MT1F: variants seen among roughly 807,000 people sequenced by gnomAD.
MT1F encodes the protein metallothionein 1F, also known as metallothionein-1F.
A neutral mutation model predicts 5.4 loss-of-function variants in MT1F; 6 were observed. The observed-to-expected ratio is 1.11, with a 90% CI of 0.61 to 2.19. The LOEUF (loss-of-function observed/expected upper bound fraction) is 2.19, where lower values mean the gene tolerates loss of function less well. MT1F is among the 30% of genes most tolerant of loss of function. The pLI is 0.00. For synonymous variants in MT1F, 28 were observed against 28.3 expected, an observed-to-expected ratio of 0.99 and a Z score of 0.04; for missense variants, 82 against 77.0, an observed-to-expected ratio of 1.07 and a Z score of -0.24.
rs1329576538 is a variant in MT1F, at chr16:56,658,047, C to G, written c.-12C>G. On this transcript the variant is annotated 5_prime_UTR_variant, in exon 1 of 3. Coordinates refer to ENST00000334350, the MANE Select transcript of MT1F (RefSeq NM_005949.4). ...TTCTCTCTTGGAAAGTCCAGTCTCT[C>G]CTCGGCTTGCAATGGACCCCAACTG... 6.2e-7 allele frequency: 1 copy of G among 1,614,134 alleles called. No homozygotes were observed. The highest frequency in any genetic ancestry group is 8.5e-7 in the Non-Finnish European group (1 of 1,179,984).
rs572532931 is a variant in MT1F, at chr16:56,659,264, T to G, written c.*100T>G. On this transcript the variant is annotated 3_prime_UTR_variant, in exon 3 of 3. Coordinates refer to ENST00000334350, the MANE Select transcript of MT1F (RefSeq NM_005949.4). ...GACCCATTTGCTACATTCCTTTTCC[T>G]GTGAAATATGTGAGTGATAATTAAA... 35 of 1,086,470 alleles carry G rather than the reference T, an allele frequency of 3.2e-5. No individual in the cohort carries two copies. In the East Asian group the frequency reaches 8.5e-4, roughly 26 times the overall value. The allele number at this position is 1,086,470 out of a possible 1,614,324, so 67.3% of individuals were successfully genotyped here. A position where few individuals can be genotyped will look rare whatever the true frequency, so the allele number is the denominator to read the frequency against.
At chr16:56,658,279 G>A in intron 1 of MT1F, 193 bp downstream of exon 1, 1 of 658,836 alleles carries the variant, frequency 1.5e-6, no homozygotes, top group Non-Finnish European at 2.6e-6. Flanking sequence ...AGCGTTGAGG[G>A]TACTGAGGCT....
At chr16:56,658,979 C>T in intron 2 of MT1F, 94 bp from the exon 3 acceptor site, 1 of 1,199,208 alleles carries the variant, frequency 8.3e-7, no homozygotes, top group South Asian at 1.2e-5. Context: ...ACTGAGGGTC[C>T]TTTGTGGCTG....
rs574209380 is a variant in MT1F, at chr16:56,658,801, G to C, written c.94+61G>C. ...GGCTAAGGTTGGGATGGAACCCAAGGCTGGCCCTGAGTGCATGCTTCTGGG... is the reference window on the plus strand; with the variant it reads ...GGCTAAGGTTGGGATGGAACCCAAGCCTGGCCCTGAGTGCATGCTTCTGGG... On this transcript the variant is annotated intron_variant, in intron 2 of 2. Transcript: ENST00000334350. 4.2e-5 allele frequency: 67 copies of C among 1,598,268 alleles called. No homozygotes were observed. In the South Asian group the frequency reaches 6.4e-4, roughly 15 times the overall value.
chr16:56,658,355 A>T (rs1960646908), intron 1 of MT1F: 1 of 587,276 alleles, frequency 1.7e-6, no homozygotes, highest in Admixed American at 3.1e-5. Context: ...CAGTGCTCTG[A>T]CCAGGCTTTG....
Position 56,659,091 on chromosome 16 carries a change from C to T in MT1F, c.113C>T (p.Pro38Leu), listed in dbSNP as rs766231601. Reference sequence around the variant, plus strand: ...TCCCCAGGCTGCTGCTCCTGCTGCCCCGTGGGCTGTAGCAAGTGTGCCCAG... The same window carrying T: ...TCCCCAGGCTGCTGCTCCTGCTGCCTCGTGGGCTGTAGCAAGTGTGCCCAG... ...SCKKSCCSCCPVGCSKCAQGC... is the reference protein window; with the variant it reads ...SCKKSCCSCCLVGCSKCAQGC... The change falls in exon 3 of 3, where the codon CCC (proline) becomes CTC (leucine). Residue 38 changes from proline to leucine, a missense_variant. Physicochemically the swap from Pro to Leu is moderately conservative, Grantham distance 98. Coordinates refer to ENST00000334350, the MANE Select transcript of MT1F (RefSeq NM_005949.4). 15 of 1,613,796 alleles carry T rather than the reference C, an allele frequency of 9.3e-6. No individual in the cohort carries two copies. The African/African-American group carries it at 1.9e-4, about 20-fold the overall frequency.
In MT1F at chr16:56,658,993, G is replaced by T. The variant is rs1224166724; in HGVS notation, c.95-80G>T. The stretch of plus-strand genomic sequence containing the variant: ...AACTGAGGGTCCTTTGTGGCTGGAG[G>T]CTCTGTTGGGGGCCTCTGTTGGGGA... On this transcript the variant is annotated intron_variant, in intron 2 of 2. Coordinates refer to ENST00000334350, the MANE Select transcript of MT1F (RefSeq NM_005949.4). 3.8e-5 allele frequency: 48 copies of T among 1,276,732 alleles called. No individual in the cohort carries two copies. The East Asian group carries it at 1.0e-3, about 27-fold the overall frequency. The allele number at this position is 1,276,732 out of a possible 1,614,324, so 79.1% of individuals were successfully genotyped here.
intron 1 of MT1F, chr16:56,658,405 TCGG>T: frequency 3.4e-6 from 2 of 590,528 alleles, no homozygotes; most frequent in Non-Finnish European, 6.0e-6. Context: ...CATTGCCTCT[TCGG>T]GGTTCAGGAC....
At chr16:56,658,880 C>T (rs1960656159) in intron 2 of MT1F, 140 bp downstream of exon 2, 2 of 1,235,246 alleles carry the variant, frequency 1.6e-6, no homozygotes, top group Non-Finnish European at 2.4e-6. Flanking sequence ...AGTCTTCTGC[C>T]CTGTGCAGGG....
Position 56,659,136 on chromosome 16 carries a change from C to A in MT1F, c.158C>A (p.Ala53Glu), listed in dbSNP as rs139420918. Residue 53 changes from alanine to glutamate, a missense_variant, in exon 3 of 3, where the codon GCG (alanine) becomes GAG (glutamate). By Grantham distance (107) the Ala-to-Glu change is moderately radical. Transcript: ENST00000334350. ...GCCCAGGGCTGTGTTTGCAAAGGGG[C>A]GTCAGAGAAGTGCAGCTGCTGCGAC... ...KCAQGCVCKG[A>E]SEKCSCCD 5 of 1,613,938 alleles carry A rather than the reference C, an allele frequency of 3.1e-6. No individual in the cohort carries two copies. Among genetic ancestry groups the A allele is most frequent in the Non-Finnish European group, 4.2e-6 (5 of 1,179,976 alleles).
intron 2 of MT1F, 25 bp from the exon 3 acceptor site, chr16:56,659,048 C>T: frequency 3.1e-6 from 5 of 1,607,686 alleles, no homozygotes; most frequent in Non-Finnish European, 4.3e-6. Flanking sequence ...TGGCTGTGAC[C>T]TCTCATGCTC....
intron 2 of MT1F, 70 bp downstream of exon 2, chr16:56,658,810 G>A: frequency 1.3e-6 from 2 of 1,571,116 alleles, no homozygotes; most frequent in Non-Finnish European, 1.8e-6. Flanking sequence ...GGCTGGCCCT[G>A]AGTGCATGCT....
Position 56,658,029 on chromosome 16 carries a change from T to C in MT1F, c.-30T>C. 2 of 1,613,346 alleles carry C rather than the reference T, an allele frequency of 1.2e-6. No homozygotes were observed. Among genetic ancestry groups the C allele is most frequent in the South Asian group, 1.1e-5 (1 of 91,062 alleles). On this transcript the variant is annotated 5_prime_UTR_variant, in exon 1 of 3. Coordinates refer to ENST00000334350, the MANE Select transcript of MT1F (RefSeq NM_005949.4). Reference sequence around the variant, plus strand: ...GCCCCACTGCTTCTTCGCTTCTCTCTTGGAAAGTCCAGTCTCTCCTCGGCT... The same window carrying C: ...GCCCCACTGCTTCTTCGCTTCTCTCCTGGAAAGTCCAGTCTCTCCTCGGCT...
intron 1 of MT1F, 37 bp downstream of exon 1, chr16:56,658,123 A>G (rs1422004420): frequency 6.2e-7 from 1 of 1,612,574 alleles, no homozygotes; most frequent in African/African-American, 1.3e-5. Flanking sequence ...GGGATGCTCG[A>G]TTCCCAGACA....
In MT1F at chr16:56,659,187, G is replaced by A. The variant is rs1352101839; in HGVS notation, c.*23G>A. 1 of 1,612,446 alleles carries A rather than the reference G, an allele frequency of 6.2e-7. No homozygotes were observed. The highest frequency in any genetic ancestry group is 2.2e-5 in the East Asian group (1 of 44,860). On this transcript the variant is annotated 3_prime_UTR_variant, in exon 3 of 3. Transcript: ENST00000334350. The stretch of plus-strand genomic sequence containing the variant: ...TGATGCCAGGACAACCTTTCTCCCA[G>A]ATGTAAACAGAGAGACATGTACAAA...
chr16:56,657,983 G>T lies in MT1F; in HGVS notation c.-76G>T. 1 of 1,500,212 alleles carries T rather than the reference G, an allele frequency of 6.7e-7. No individual in the cohort carries two copies. The highest frequency in any genetic ancestry group is 2.3e-5 in the East Asian group (1 of 43,308). 92.9% of individuals were successfully genotyped at this position (1,500,212 alleles called of 1,614,324 possible). On this transcript the variant is annotated 5_prime_UTR_variant, in exon 1 of 3. Transcript: ENST00000334350. ...TATCAAAGCAGCGGCCGGCTGTTGG[G>T]GTCCACCACGCCTTCCACCTGCCCC...
intron 1 of MT1F, chr16:56,658,353 T>C (rs1005044839): frequency 1.7e-6 from 1 of 585,678 alleles, no homozygotes; most frequent in Non-Finnish European, 3.0e-6. Flanking sequence ...CCCAGTGCTC[T>C]GACCAGGCTT....
chr16:56,658,633 G>GT (rs769883759), intron 1 of MT1F, 42 bp from the exon 2 acceptor site: 2 of 1,608,458 alleles, frequency 1.2e-6, no homozygotes, highest in Non-Finnish European at 1.7e-6. Flanking sequence ...ACCTCCTGCA[G>GT]GTCACTCGCC....
At chr16:56,658,570 G>A (rs1960649626) in intron 1 of MT1F, 105 bp from the exon 2 acceptor site, 12 of 1,158,242 alleles carry the variant, frequency 1.0e-5, no homozygotes, top group Admixed American at 7.4e-5. Context: ...GAGCTCTGAG[G>A]GCTGGCCCCG....
Sources: gnomAD v4.1 joint callset for allele counts on GRCh38, gnomAD v4.1.1 for gene constraint, MANE v1.5 for transcripts, NCBI Gene and HGNC (gene_info 2026-07-23, HGNC 2026-07-21) for gene names.